Variants in SH3PXD2A observed in about 807,000 individuals in gnomAD.
SH3PXD2A encodes the protein SH3 and PX domains 2A, also known as SH3 and PX domain-containing protein 2A.
SH3PXD2A carries 32 observed loss-of-function variants against 115.2 expected under a neutral mutation model. The observed-to-expected ratio is 0.28, with a 90% CI of 0.21 to 0.37. The LOEUF is 0.37. SH3PXD2A is among the 10% of genes least tolerant of loss of function. The pLI is 1.00. For synonymous variants in SH3PXD2A, 610 were observed against 629.1 expected (o/e 0.97, Z 0.45); for missense variants, 1,328 against 1,498.7 (o/e 0.89, Z 1.88).
At chr10:103,744,594 C>T (rs1160878349) in intron 3 of SH3PXD2A, among the ~76,000 whole-genome samples, 1 of 152,222 alleles carries the variant, frequency 6.6e-6, no homozygotes, top group South Asian at 2.1e-4. Flanking sequence ...CCAGAGTCTA[C>T]AGCCTTGTAC....
chr10:103,736,513 C>T (rs2038382700), intron 3 of SH3PXD2A, among the ~76,000 whole-genome samples: 1 of 152,256 alleles, frequency 6.6e-6, no homozygotes, highest in Admixed American at 6.5e-5. Context: ...CTTTTCTAGT[C>T]TGAGAAATTT....
Position 103,661,123 on chromosome 10 carries a change from G to A in SH3PXD2A, c.473-9C>T, listed in dbSNP as rs770938069. Reference sequence around the variant, plus strand: ...GGCGGTGGCGTCGGCACCTGGCGAGGGCAGAAAGCACGCGGTGAGCCAGCG... The same window carrying A: ...GGCGGTGGCGTCGGCACCTGGCGAGAGCAGAAAGCACGCGGTGAGCCAGCG... On this transcript the variant is annotated splice_polypyrimidine_tract_variant and intron_variant, in intron 7 of 14. Transcript: ENST00000369774. The A allele has an allele frequency of 1.2e-6, 2 of 1,611,996 alleles. No homozygotes were observed. The highest frequency in any genetic ancestry group is 1.7e-6 in the Non-Finnish European group (2 of 1,178,960).
At chr10:103,831,795 CAGTT>C (rs2039484892) in intron 1 of SH3PXD2A, among the ~76,000 whole-genome samples, 1 of 152,158 alleles carries the variant, frequency 6.6e-6, no homozygotes, top group Admixed American at 6.5e-5. Context: ...AACCTCATGG[CAGTT>C]AGTAGTTATT....
rs79061932 is a variant in SH3PXD2A at position 103,602,154 on chromosome 10, G to A, written c.3064C>T (p.Arg1022Cys). The A allele has an allele frequency of 4.3e-3, 6,842 of 1,575,472 alleles. 13 individuals are homozygous for A. The highest frequency in any genetic ancestry group is 5.5e-3 in the African/African-American group (406 of 74,154). ...VRRNSSFSTA[R>C]SAAAEAKGRL... Reference sequence around the variant, plus strand: ...CCCTTGGCCTCGGCGGCAGCGGAGCGAGCAGTGCTAAAGGAGGAGTTCCGT... The same window carrying A: ...CCCTTGGCCTCGGCGGCAGCGGAGCAAGCAGTGCTAAAGGAGGAGTTCCGT... Residue 1022 changes from arginine to cysteine, a missense_variant, in exon 15 of 15, where the codon CGC becomes TGC. Arg to Cys is a radical substitution (Grantham distance 180, BLOSUM62 -3). Transcript: ENST00000369774.
chr10:103,620,568 C>G lies in SH3PXD2A; in HGVS notation c.802+1902G>C, dbSNP rs1455730588. Among the ~76,000 whole-genome samples, 1 of 152,214 alleles carries G rather than the reference C, an allele frequency of 6.6e-6. No homozygotes were observed. Among genetic ancestry groups the G allele is most frequent in the Non-Finnish European group, 1.5e-5 (1 of 68,044 alleles). ...TCCGCTTTTCTCTTGTCTAGCTCCT[C>G]CACAACCTGCAGCCTGCCTCCCCGA... On this transcript the variant is annotated intron_variant, in intron 10 of 14. Coordinates refer to ENST00000369774, the MANE Select transcript of SH3PXD2A (RefSeq NM_001394015.1). This position sits in a 1 kb window ranked among gnomAD's most constrained non-coding sequence, Gnocchi z 5.3.
At chr10:103,675,397 C>G (rs1341375407) in intron 6 of SH3PXD2A, among the ~76,000 whole-genome samples, 1 of 152,138 alleles carries the variant, frequency 6.6e-6, no homozygotes, top group Admixed American at 6.5e-5. Flanking sequence ...AAGAAGAAAT[C>G]TAGTAGAGCT....
chr10:103,693,153 C>T, intron 5 of SH3PXD2A, 97 bp from the exon 6 acceptor site: 1 of 945,072 alleles, frequency 1.1e-6, no homozygotes, highest in Non-Finnish European at 1.7e-6. Context: ...GCGGTCGGTC[C>T]CCGGTGCCGC....
intron 3 of SH3PXD2A, among the ~76,000 whole-genome samples, chr10:103,745,149 A>G (rs2038487238): frequency 1.3e-5 from 2 of 152,216 alleles, no homozygotes; most frequent in Non-Finnish European, 2.9e-5. Context: ...CCAAGCTGCT[A>G]GGAAGCATCT....
intron 5 of SH3PXD2A, among the ~76,000 whole-genome samples, chr10:103,698,877 AG>A (rs1263176390): frequency 6.6e-6 from 1 of 151,954 alleles, no homozygotes; most frequent in Non-Finnish European, 1.5e-5. Flanking sequence ...TTAAAGGACA[AG>A]GGGGTTTGGA....
chr10:103,769,142 G>C (rs1454004065), intron 2 of SH3PXD2A, among the ~76,000 whole-genome samples: 2 of 47,526 alleles, frequency 4.2e-5, no homozygotes, highest in Non-Finnish European at 8.7e-5. Flanking sequence ...CTCTGTGTGT[G>C]TGTGTGTGTG....
intron 1 of SH3PXD2A, among the ~76,000 whole-genome samples, chr10:103,829,700 A>T (rs951091742): frequency 1.3e-5 from 2 of 152,252 alleles, no homozygotes; most frequent in African/African-American, 4.8e-5. Context: ...CGCATAACAT[A>T]GGACCTAAAG....
chr10:103,633,433 C>CAAA, intron 8 of SH3PXD2A, among the ~76,000 whole-genome samples: 1 of 151,002 alleles, frequency 6.6e-6, no homozygotes, highest in East Asian at 2.0e-4. Flanking sequence ...AAAACAAAAA[C>CAAA]AAAAAAACGC....
At chr10:103,787,846 G>A (rs1007860784) in intron 2 of SH3PXD2A, among the ~76,000 whole-genome samples, 18 of 152,150 alleles carry the variant, frequency 1.2e-4, no homozygotes, top group African/African-American at 1.7e-4. Context: ...GGCTCTTCCC[G>A]AGCCCCTCAG....
At chr10:103,807,346 G>A (rs900903814) in intron 1 of SH3PXD2A, among the ~76,000 whole-genome samples, 16 of 152,342 alleles carry the variant, frequency 1.1e-4, no homozygotes, top group Middle Eastern at 3.4e-3. Context: ...AGGAGCTATG[G>A]AGGAAATTGC....
At chr10:103,675,530 G>A (rs1290207491) in intron 6 of SH3PXD2A, among the ~76,000 whole-genome samples, 2 of 152,092 alleles carry the variant, frequency 1.3e-5, no homozygotes, top group African/African-American at 4.8e-5. Flanking sequence ...TACCCCCACA[G>A]GCTGGAAGGA....
At chr10:103,671,448 A>C (rs2037457870) in intron 6 of SH3PXD2A, among the ~76,000 whole-genome samples, 1 of 152,204 alleles carries the variant, frequency 6.6e-6, no homozygotes, top group Admixed American at 6.5e-5. Context: ...CGTAAAGGAA[A>C]ATGGGAAGCA....
At chr10:103,719,877 G>A (rs2038160668) in intron 5 of SH3PXD2A, among the ~76,000 whole-genome samples, 1 of 151,834 alleles carries the variant, frequency 6.6e-6, no homozygotes, top group South Asian at 2.1e-4. Flanking sequence ...GTGCCACCAC[G>A]CCTGGCTAAT....
Position 103,756,475 on chromosome 10 carries a change from G to A in SH3PXD2A, c.229+10619C>T, listed in dbSNP as rs192245853. On this transcript the variant is annotated intron_variant, in intron 3 of 14. Coordinates refer to ENST00000369774, the MANE Select transcript of SH3PXD2A (RefSeq NM_001394015.1). This position sits in a 1 kb window ranked among gnomAD's most constrained non-coding sequence, Gnocchi z 4.4. The stretch of plus-strand genomic sequence containing the variant: ...ACCATCACCCGCTGCTGCCACTCCC[G>A]AGCCCTCAGTGAAACCTGGACCCAG... Among the ~76,000 whole-genome samples, 173 of 152,194 alleles carry A rather than the reference G, an allele frequency of 1.1e-3. 2 individuals carry two copies. The East Asian group carries it at 0.032, about 28-fold the overall frequency.
chr10:103,802,631 G>A (rs1243237570), intron 1 of SH3PXD2A, among the ~76,000 whole-genome samples: 1 of 152,186 alleles, frequency 6.6e-6, no homozygotes, highest in Non-Finnish European at 1.5e-5. Context: ...GGGCTTTTCT[G>A]TTGAACTTCT....
Sources: allele counts gnomAD v4.1 joint callset (sites outside exome capture counted in the v4.1 genomes callset), GRCh38; gene constraint gnomAD v4.1.1; non-coding constraint Gnocchi (gnomAD v3.1); transcripts MANE v1.5; gene names NCBI Gene and HGNC (gene_info 2026-07-23, HGNC 2026-07-21).